NABP2: variants seen among roughly 807,000 people sequenced by gnomAD.
NABP2 encodes SOSS complex subunit B1.
Under a neutral mutation model 22.7 loss-of-function variants are expected in NABP2, and 7 were observed. The ratio of observed to expected loss-of-function variants is 0.31; its 90% CI spans 0.18 to 0.58. The LOEUF is 0.58. Among genes scored for constraint, NABP2 ranks in the 20% least tolerant of loss-of-function variants. The pLI is 0.89. For missense variants in NABP2, 188 were observed against 265.9 expected (o/e 0.71, Z 2.04); for synonymous variants, 107 against 99.2 (o/e 1.08, Z -0.47).
At chr12:56,225,577 C>T (rs1299886462) in intron 3 of NABP2, 47 bp from the exon 4 acceptor site, 2 of 1,614,132 alleles carry the variant, frequency 1.2e-6, no homozygotes, top group Admixed American at 3.3e-5. Context: ...TTAACAGTCC[C>T]TATAACACTT....
rs369821925 is a variant in NABP2, at chr12:56,226,171, C to A, written c.291-8C>A. On this transcript the variant is annotated splice_region_variant and splice_polypyrimidine_tract_variant and intron_variant, in intron 4 of 6. Transcript: ENST00000267023. Reference sequence around the variant, plus strand: ...ATTCAAGGCTTTAGCTACTTTCTTCCCTTGCAGATTCTGTATGGTTTATTC... The same window carrying A: ...ATTCAAGGCTTTAGCTACTTTCTTCACTTGCAGATTCTGTATGGTTTATTC... 3.1e-6 allele frequency: 5 copies of A among 1,613,782 alleles called. No homozygotes were observed. The African/African-American group carries it at 5.3e-5, about 17-fold the overall frequency.
In NABP2 at chr12:56,229,087, T is replaced by TGCCCCACCCC; in HGVS notation, c.510_511insGCCCCACCCC (p.Pro171AlafsTer33). 2.0e-6 allele frequency: 3 copies of TGCCCCACCCC among 1,512,338 alleles called. No individual in the cohort carries two copies. The highest frequency in any genetic ancestry group is 2.7e-6 in the Non-Finnish European group (3 of 1,102,012). 93.7% of individuals were successfully genotyped at this position (1,512,338 alleles called of 1,614,324 possible). ...GTGGTGGCCCACATCCCCCTCATACTCCCTCCCACCCACCCAGCACCCGAA... is the reference window on the plus strand; with the variant it reads ...GTGGTGGCCCACATCCCCCTCATACTGCCCCACCCCCCCTCCCACCCACCCAGCACCCGAA... On this transcript the variant is annotated frameshift_variant, in exon 7 of 7. Coordinates refer to ENST00000267023, the MANE Select transcript of NABP2 (RefSeq NM_024068.4). LOFTEE classifies it high-confidence loss of function.
At chr12:56,224,987 G>A (rs1326765947) in intron 2 of NABP2, 52 bp downstream of exon 2, 3 of 1,323,008 alleles carry the variant, frequency 2.3e-6, no homozygotes, top group East Asian at 2.3e-5. Context: ...GGGCAGGAGG[G>A]GAAGAACGCT....
chr12:56,224,255 G>T, upstream of NABP2: 1 of 869,742 alleles, frequency 1.1e-6, no homozygotes, highest in African/African-American at 1.8e-5. Flanking sequence ...GATTGGCTGG[G>T]CAGGGCAGGC....
intron 6 of NABP2, 89 bp downstream of exon 6, chr12:56,226,508 A>G (rs1394624326): frequency 8.4e-7 from 1 of 1,192,044 alleles, no homozygotes; most frequent in Non-Finnish European, 1.2e-6. Flanking sequence ...TCCTTTTCCA[A>G]ATCTCTCTTT....
At chr12:56,222,020 GGA>G (rs1345185956), upstream of NABP2, 1 of 152,428 alleles carries the variant, frequency 6.6e-6, no homozygotes, top group African/African-American at 2.4e-5. Flanking sequence ...CCAGCAGCCA[GGA>G]GCTGCCTACG....
At chr12:56,226,588 G>A (rs1244966046) in intron 6 of NABP2, among the ~76,000 whole-genome samples, 169 bp downstream of exon 6, 5 of 92,618 alleles carry the variant, frequency 5.4e-5, no homozygotes, top group African/African-American at 1.2e-4. Context: ...TTTTTGAGAC[G>A]AAGTCTCGCT....
chr12:56,223,287 T>C (rs1466173158), upstream of NABP2, among the ~76,000 whole-genome samples: 1 of 151,832 alleles, frequency 6.6e-6, no homozygotes, highest in African/African-American at 2.4e-5. Flanking sequence ...TATGGCCAGG[T>C]GCAGCGGCTC....
rs1869656149 is a variant in NABP2 at position 56,224,360 on chromosome 12, G to C, written c.-105G>C. The C allele has an allele frequency of 1.0e-6, 1 of 990,258 alleles. No individual in the cohort carries two copies. The highest frequency in any genetic ancestry group is 1.7e-5 in the African/African-American group (1 of 57,330). 61.3% of individuals were successfully genotyped at this position (990,258 alleles called of 1,614,324 possible). On this transcript the variant is annotated 5_prime_UTR_variant, in exon 1 of 7. Transcript: ENST00000267023. ...AATGTCCGCACTCCCGCGTTCCACG[G>C]GGCAGCATCCGGCGGCAGCGGAGCC...
At chr12:56,225,015 G>C in intron 2 of NABP2, 80 bp downstream of exon 2, 1 of 1,114,382 alleles carries the variant, frequency 9.0e-7, no homozygotes, top group Non-Finnish European at 1.3e-6. Flanking sequence ...TTCTTAACTT[G>C]CTATGGGGAT....
chr12:56,222,118 C>T (rs995012880), upstream of NABP2: 3 of 152,262 alleles, frequency 2.0e-5, no homozygotes, highest in Admixed American at 1.3e-4. Context: ...ACTATGTAGC[C>T]ATTTAGGAGG....
chr12:56,229,584 A>C lies in NABP2; in HGVS notation c.*371A>C. 4.3e-6 allele frequency: 1 copy of C among 231,716 alleles called. No homozygotes were observed. The allele number at this position is 231,716 out of a possible 1,614,324, so 14.4% of individuals were successfully genotyped here. ...ACCCCGTGTCTACTAAAAATACAGA[A>C]TTAGCCAGGCATGGTGGCGTATGCC... On this transcript the variant is annotated 3_prime_UTR_variant, in exon 7 of 7. Transcript: ENST00000267023.
chr12:56,223,445 C>T (rs1451316765), upstream of NABP2: 2 of 151,496 alleles, frequency 1.3e-5, no homozygotes, highest in Non-Finnish European at 2.9e-5. Context: ...ACCTGTAGTA[C>T]CAGCTACTAC....
At chr12:56,225,838 C>T (rs940656534) in intron 4 of NABP2, 143 bp downstream of exon 4, 7 of 974,002 alleles carry the variant, frequency 7.2e-6, no homozygotes, top group Admixed American at 6.4e-5. Context: ...CAGTCTCTGT[C>T]GCTCAGGCTG....
At chr12:56,224,556 C>T (rs918695899) in intron 1 of NABP2, 115 bp downstream of exon 1, 1 of 1,217,722 alleles carries the variant, frequency 8.2e-7, no homozygotes, top group South Asian at 2.2e-5. Context: ...CACCGGGTTC[C>T]CTACCCCTGT....
upstream of NABP2, chr12:56,222,331 A>G (rs1869527011): frequency 6.6e-6 from 1 of 152,200 alleles, no homozygotes; most frequent in Non-Finnish European, 1.5e-5. Flanking sequence ...AGAGCTTCGT[A>G]ACCCCTTGAC....
chr12:56,228,947 C>T, intron 6 of NABP2, 67 bp from the exon 7 acceptor site: 1 of 1,433,388 alleles, frequency 7.0e-7, no homozygotes. Context: ...GGCATGGAGA[C>T]AGGCCTTGGG....
rs766556165 is a variant in NABP2 at position 56,226,137 on chromosome 12, A to G, written c.291-42A>G. On this transcript the variant is annotated intron_variant, in intron 4 of 6. Transcript: ENST00000267023. ...TTTCTGAGGCCTCCAGCAGTGGCCC[A>G]GAGGATGAATTCAAGGCTTTAGCTA... 4 of 1,582,746 alleles carry G rather than the reference A, an allele frequency of 2.5e-6. No individual in the cohort carries two copies. In the Admixed American group the frequency reaches 6.7e-5, roughly 26 times the overall value.
rs372824470 is a variant in NABP2, at chr12:56,228,053, G to A, written c.437-961G>A. Among the ~76,000 whole-genome samples, 90 of 152,018 alleles carry A rather than the reference G, an allele frequency of 5.9e-4. No individual in the cohort carries two copies. The Middle Eastern group carries it at 0.014, about 23-fold the overall frequency. On this transcript the variant is annotated intron_variant, in intron 6 of 6. Transcript: ENST00000267023. Reference sequence around the variant, plus strand: ...ACTAAAAATACAAAATTAGCCAGGCGTGGTGGCTCATGCCTATAATCCCAG... The same window carrying A: ...ACTAAAAATACAAAATTAGCCAGGCATGGTGGCTCATGCCTATAATCCCAG...
Sources: allele counts gnomAD v4.1 joint callset (sites outside exome capture counted in the v4.1 genomes callset), GRCh38; gene constraint gnomAD v4.1.1; transcripts MANE v1.5; gene names NCBI Gene and HGNC (gene_info 2026-07-23, HGNC 2026-07-21).